The following VCPIP1 variants were observed in gnomAD, a reference collection of about 807,000 sequenced individuals.
VCPIP1 encodes the protein valosin containing protein interacting protein 1.
VCPIP1 carries 8 observed loss-of-function variants against 85.0 expected under a neutral mutation model. That is an observed-to-expected ratio of 0.09 (90% CI 0.06 to 0.17). The LOEUF is 0.17. Ranked by LOEUF, VCPIP1 falls within the 10% of genes least tolerant of loss-of-function variation. The probability of loss-of-function intolerance (pLI) is 1.00; values close to 1 mark genes in which losing one functional copy is unlikely to be tolerated. For missense variants in VCPIP1, 1,070 were observed against 1,486.3 expected, an observed-to-expected ratio of 0.72 and a Z score of 4.61; for synonymous variants, 543 against 544.5, an observed-to-expected ratio of 1.00 and a Z score of 0.04.
chr8:66,635,214 C>T lies in VCPIP1; in HGVS notation c.2956G>A (p.Val986Ile). The change falls in exon 3 of 3, where the codon GTT (valine) becomes ATT (isoleucine). Residue 986 changes from valine (V) to isoleucine (I), a missense_variant. Coordinates refer to ENST00000310421, the MANE Select transcript of VCPIP1 (RefSeq NM_025054.5). ...EDLVKEAVSQ[V>I]RAEATTRSRE... is the part of the protein sequence containing the mutation. ...CTTCTTGTAGTAGCCTCTGCTCGAA[C>T]CTGACTTACAGCCTCTTTAACTAAA... The T allele has an allele frequency of 6.2e-7, 1 of 1,614,198 alleles. No individual in the cohort carries two copies. Among genetic ancestry groups the T allele is most frequent in the South Asian group, 1.1e-5 (1 of 91,082 alleles).
At chr8:66,643,946 T>C (rs548429479) in intron 2 of VCPIP1, among the ~76,000 whole-genome samples, 16 of 149,468 alleles carry the variant, frequency 1.1e-4, no homozygotes. Flanking sequence ...AACTACAGAT[T>C]TCTACAGACA....
chr8:66,666,575 T>C lies in VCPIP1; in HGVS notation c.384A>G (p.Lys128=). Reference sequence around the variant, plus strand: ...AGCGAGCTAATATGGGCGACAACAATTTGCAGTGATAGTTGGAAAGGCCCA... The same window carrying C: ...AGCGAGCTAATATGGGCGACAACAACTTGCAGTGATAGTTGGAAAGGCCCA... ...KVMGLSNYHC[K]LLSPILARYG... is the part of the protein sequence containing the mutation. Residue 128 remains lysine (K), a synonymous_variant, in exon 1 of 3, where the codon AAA becomes AAG. Transcript: ENST00000310421. The surrounding 1 kb of genome is among the most constrained non-coding windows in gnomAD (Gnocchi z 6.3). 6.2e-7 allele frequency: 1 copy of C among 1,614,042 alleles called. No individual in the cohort carries two copies. Among genetic ancestry groups the C allele is most frequent in the Non-Finnish European group, 8.5e-7 (1 of 1,180,008 alleles).
intron 2 of VCPIP1, among the ~76,000 whole-genome samples, chr8:66,643,881 AG>A (rs1810970607): frequency 7.0e-6 from 1 of 142,508 alleles, no homozygotes; most frequent in South Asian, 2.2e-4. Context: ...CAGAATGGAC[AG>A]CCAAAAAAAA....
intron 1 of VCPIP1, chr8:66,653,641 T>C (rs1471168441): frequency 2.6e-5 from 4 of 152,174 alleles, no homozygotes; most frequent in Admixed American, 6.5e-5. Flanking sequence ...GACCAACTGA[T>C]TAATAAGAAA....
intron 1 of VCPIP1, among the ~76,000 whole-genome samples, chr8:66,656,877 C>T (rs529027299): frequency 8.5e-6 from 1 of 117,400 alleles, no homozygotes; most frequent in East Asian, 2.0e-4. Flanking sequence ...CCAAAGTAGG[C>T]CTGGGATTAC....
At chr8:66,636,646 G>C (rs1408499662) in intron 2 of VCPIP1, among the ~76,000 whole-genome samples, 1 of 151,996 alleles carries the variant, frequency 6.6e-6, no homozygotes, top group Non-Finnish European at 1.5e-5. Flanking sequence ...AGGAGGCTGA[G>C]GCAGGGAGAA....
chr8:66,652,321 A>G (rs1811062029), intron 1 of VCPIP1, among the ~76,000 whole-genome samples: 1 of 152,190 alleles, frequency 6.6e-6, no homozygotes, highest in Non-Finnish European at 1.5e-5. Context: ...ATTGAAAGAT[A>G]TTTTTGGGCC....
At chr8:66,650,340 A>G (rs1231016087) in intron 2 of VCPIP1, among the ~76,000 whole-genome samples, 1 of 152,242 alleles carries the variant, frequency 6.6e-6, no homozygotes, top group East Asian at 1.9e-4. Context: ...AAAAAAGTGT[A>G]TGAGGAAGAG....
chr8:66,663,849 C>T (rs947960932), intron 1 of VCPIP1, among the ~76,000 whole-genome samples: 1 of 151,980 alleles, frequency 6.6e-6, no homozygotes, highest in Non-Finnish European at 1.5e-5. Context: ...ATTCATCAAA[C>T]AGGAAGTGCT....
rs144953306 is a variant in VCPIP1, at chr8:66,646,916, T to G, written c.2797+4542A>C. Among the ~76,000 whole-genome samples, 296 of 152,116 alleles carry G rather than the reference T, an allele frequency of 1.9e-3. 1 individual carries two copies. The highest frequency in any genetic ancestry group is 6.9e-3 in the African/African-American group (286 of 41,490). On this transcript the variant is annotated intron_variant, in intron 2 of 2. Transcript: ENST00000310421. ...GGTGTGCACCTGTAATCCCAGCTAC[T>G]CAGGAAGCTGAGACAGGAGAATCAC...
At chr8:66,654,231 T>G (rs1366303452) in intron 1 of VCPIP1, among the ~76,000 whole-genome samples, 1 of 152,258 alleles carries the variant, frequency 6.6e-6, no homozygotes, top group African/African-American at 2.4e-5. Context: ...ATCCCAACAC[T>G]TTGGGAGGCC....
chr8:66,632,868 G>C lies in VCPIP1; in HGVS notation c.*1633C>G, dbSNP rs181608643. 3 of 152,152 alleles carry C rather than the reference G, an allele frequency of 2.0e-5. No individual in the cohort carries two copies. The South Asian group carries it at 6.2e-4, about 32-fold the overall frequency. The allele number at this position is 152,152 out of a possible 1,614,324, so 9.4% of individuals were successfully genotyped here. ...AAGTTTAAAAATTTCCTGCTGTTTT[G>C]ATAGGGAGAAAATTTAGGATGAAGA... is the stretch of plus-strand genomic sequence containing the variant. On this transcript the variant is annotated 3_prime_UTR_variant, in exon 3 of 3. Transcript: ENST00000310421.
intron 2 of VCPIP1, among the ~76,000 whole-genome samples, chr8:66,645,742 G>T (rs1373881100): frequency 2.5e-5 from 3 of 121,576 alleles, no homozygotes; most frequent in African/African-American, 1.1e-4. Flanking sequence ...CAGCAATATG[G>T]CAAAACCCTG....
chr8:66,649,680 G>A (rs999188709), intron 2 of VCPIP1, among the ~76,000 whole-genome samples: 3 of 152,298 alleles, frequency 2.0e-5, no homozygotes, highest in East Asian at 1.9e-4. Context: ...ATGGTTGTCA[G>A]GGCCTGGGAT....
At chr8:66,658,572 T>C (rs1162285798) in intron 1 of VCPIP1, among the ~76,000 whole-genome samples, 1 of 151,934 alleles carries the variant, frequency 6.6e-6, no homozygotes, top group East Asian at 1.9e-4. Flanking sequence ...CACTACAACC[T>C]CCGCCTCCTG....
chr8:66,657,717 A>AG (rs1267926491), intron 1 of VCPIP1, among the ~76,000 whole-genome samples: 1 of 152,252 alleles, frequency 6.6e-6, no homozygotes, highest in Non-Finnish European at 1.5e-5. Context: ...TACAAATGTT[A>AG]AGAACTACCA....
Position 66,664,572 on chromosome 8 carries a change from G to C in VCPIP1, c.2387C>G (p.Thr796Ser). 2 of 1,614,174 alleles carry C rather than the reference G, an allele frequency of 1.2e-6. No homozygotes were observed. The highest frequency in any genetic ancestry group is 1.1e-5 in the South Asian group (1 of 91,082). ...QSMVTLKSST[T>S]FFELQESIAR... is the part of the protein sequence containing the mutation. ...TATACTTTCCTGAAGTTCAAAAAAG[G>C]TTGTTGAAGACTTAAGGGTAACCAT... The change falls in exon 1 of 3, where the codon ACC becomes AGC. Residue 796 changes from threonine to serine, a missense_variant. By Grantham distance (58) the Thr-to-Ser change is moderately conservative (BLOSUM62 1). Transcript: ENST00000310421.
chr8:66,666,131 C>T lies in VCPIP1; in HGVS notation c.828G>A (p.Leu276=). The T allele has an allele frequency of 2.5e-6, 4 of 1,614,190 alleles. No homozygotes were observed. The highest frequency in any genetic ancestry group is 3.4e-6 in the Non-Finnish European group (4 of 1,180,040). The change falls in exon 1 of 3, where the codon CTG becomes CTA. Residue 276 remains leucine (L), a synonymous_variant. Transcript: ENST00000310421. This position sits in a 1 kb window ranked among gnomAD's most constrained non-coding sequence, Gnocchi z 6.3. ...WEDIINECDP[L]FVPPEGVPLG... is the part of the protein sequence containing the mutation. Reference sequence around the variant, plus strand: ...AGGGAACACCCTCAGGTGGTACAAACAGAGGGTCACACTCATTGATAATGT... The same window carrying T: ...AGGGAACACCCTCAGGTGGTACAAATAGAGGGTCACACTCATTGATAATGT...
intron 1 of VCPIP1, among the ~76,000 whole-genome samples, chr8:66,655,944 C>G (rs921163189): frequency 6.6e-6 from 1 of 152,144 alleles, no homozygotes; most frequent in Non-Finnish European, 1.5e-5. Context: ...TCCTTCCCCC[C>G]TCATAACCTT....
Sources: allele counts gnomAD v4.1 joint callset (sites outside exome capture counted in the v4.1 genomes callset), GRCh38; gene constraint gnomAD v4.1.1; non-coding constraint Gnocchi (gnomAD v3.1); transcripts MANE v1.5; gene names NCBI Gene and HGNC (gene_info 2026-07-23, HGNC 2026-07-21).